CD84: variants seen among roughly 807,000 people sequenced by gnomAD.
The protein encoded by CD84 is SLAM family member 5.
A neutral mutation model predicts 33.8 loss-of-function variants in CD84; 22 were observed. That is an observed-to-expected ratio of 0.65 (90% CI 0.46 to 0.93). CD84 has a LOEUF of 0.93. Ranked by LOEUF, CD84 falls within the 40% of genes least tolerant of loss-of-function variation. The probability of loss-of-function intolerance (pLI) is 0.00; values close to 1 mark genes in which losing one functional copy is unlikely to be tolerated. For missense variants in CD84, 400 were observed against 397.6 expected (o/e 1.01, Z -0.05); for synonymous variants, 154 against 145.2 (o/e 1.06, Z -0.44).
At chr1:160,560,035 C>A (rs1656849841) in intron 2 of CD84, among the ~76,000 whole-genome samples, 2 of 152,212 alleles carry the variant, frequency 1.3e-5, no homozygotes, top group South Asian at 4.1e-4. Flanking sequence ...GACTCTCACA[C>A]AATAATAATG....
In CD84 at chr1:160,543,508, AATGT is replaced by A. The variant is rs1251979582; in HGVS notation, c.*4744_*4747del. 9.2e-5 allele frequency: 14 copies of A among 152,164 alleles called. No homozygotes were observed. The highest frequency in any genetic ancestry group is 9.2e-4 in the Admixed American group (14 of 15,300). 9.4% of individuals were successfully genotyped at this position (152,164 alleles called of 1,614,324 possible). A position where few individuals can be genotyped will look rare whatever the true frequency, so the allele number is the denominator to read the frequency against. ...CAAGGCTGTCATGAGTATTGACAAC[AATGT>A]ATGAAGCATCTAGTTTAGCAGTTGG... On this transcript the variant is annotated 3_prime_UTR_variant, in exon 7 of 7. Transcript: ENST00000368054.
chr1:160,555,881 A>G (rs1338733639), intron 2 of CD84, among the ~76,000 whole-genome samples: 1 of 152,236 alleles, frequency 6.6e-6, no homozygotes, highest in Non-Finnish European at 1.5e-5. Context: ...TTTGATTCCA[A>G]GCTAGCCAGA....
chr1:160,549,434 A>G (rs144139288), intron 6 of CD84, among the ~76,000 whole-genome samples: 1 of 152,214 alleles, frequency 6.6e-6, no homozygotes, highest in Non-Finnish European at 1.5e-5. Flanking sequence ...CACAGGCATA[A>G]GGCACAAGGC....
At chr1:160,573,331 C>T (rs1002753398) in intron 1 of CD84, among the ~76,000 whole-genome samples, 1 of 151,974 alleles carries the variant, frequency 6.6e-6, no homozygotes, top group Non-Finnish European at 1.5e-5. Context: ...GTTATATAGA[C>T]CTAAAACCCC....
At chr1:160,551,377 T>C in intron 4 of CD84, 1 of 262,676 alleles carries the variant, frequency 3.8e-6, no homozygotes. Context: ...GCATGGCTAG[T>C]TGACTTTCCA....
chr1:160,553,056 A>G (rs1358137012), intron 4 of CD84: 1 of 563,752 alleles, frequency 1.8e-6, no homozygotes, highest in Non-Finnish European at 3.2e-6. Flanking sequence ...TCTAGTCCAA[A>G]CATTTCACAT....
rs367831747 is a variant in CD84 at position 160,565,704 on chromosome 1, T to G, written c.88A>C (p.Asn30His). The stretch of plus-strand genomic sequence containing the variant: ...GTGACTGACTCTCCCAGAATCCCAT[T>G]CACTGTGAAGATTTCTGAGTCTTTT... ...AGKDSEIFTV[N>H]GILGESVTFP... is the part of the protein sequence containing the mutation. Residue 30 changes from asparagine (N) to histidine (H), a missense_variant, in exon 2 of 7, where the codon AAT becomes CAT. Coordinates refer to ENST00000368054, the MANE Select transcript of CD84 (RefSeq NM_003874.4). The G allele has an allele frequency of 6.2e-7, 1 of 1,613,116 alleles. No individual in the cohort carries two copies. Among genetic ancestry groups the G allele is most frequent in the Non-Finnish European group, 8.5e-7 (1 of 1,179,566 alleles).
Position 160,548,203 on chromosome 1 carries a change from C to A in CD84, c.*53G>T. The A allele has an allele frequency of 1.3e-6, 2 of 1,579,804 alleles. No individual in the cohort carries two copies. Among genetic ancestry groups the A allele is most frequent in the African/African-American group, 1.3e-5 (1 of 74,306 alleles). On this transcript the variant is annotated 3_prime_UTR_variant, in exon 7 of 7. Coordinates refer to ENST00000368054, the MANE Select transcript of CD84 (RefSeq NM_003874.4). ...AGAAGATCTGGATCCAGGGAACCTG[C>A]CAGTATTGGTGGTTGTAACTCAGTT...
intron 2 of CD84, among the ~76,000 whole-genome samples, chr1:160,558,535 T>G (rs967071863): frequency 6.6e-6 from 1 of 152,090 alleles, no homozygotes; most frequent in African/African-American, 2.4e-5. Context: ...TAATAAAGAA[T>G]TAATGCAAAA....
At chr1:160,563,236 C>T (rs1657105276) in intron 2 of CD84, among the ~76,000 whole-genome samples, 1 of 152,100 alleles carries the variant, frequency 6.6e-6, no homozygotes, top group Non-Finnish European at 1.5e-5. Context: ...TCCAGCAAAC[C>T]CATTATTGGG....
chr1:160,558,154 G>T (rs1367200552), intron 2 of CD84, among the ~76,000 whole-genome samples: 1 of 152,134 alleles, frequency 6.6e-6, no homozygotes, highest in Non-Finnish European at 1.5e-5. Flanking sequence ...CTTTTTGTGG[G>T]TCCCTGATCC....
rs1339712110 is a variant in CD84 at position 160,543,889 on chromosome 1, ATT to A, written c.*4365_*4366del. On this transcript the variant is annotated 3_prime_UTR_variant, in exon 7 of 7. Transcript: ENST00000368054. ...TCAGGCCTAGAACAGCTTATAAAAA[ATT>A]TCCCGAACTTTGCCATGCACAGGCA... 6.6e-6 allele frequency: 1 copy of A among 152,104 alleles called. No individual in the cohort carries two copies. Among genetic ancestry groups the A allele is most frequent in the Admixed American group, 6.6e-5 (1 of 15,266 alleles). 9.4% of individuals were successfully genotyped at this position (152,104 alleles called of 1,614,324 possible). A position where few individuals can be genotyped will look rare whatever the true frequency, so the allele number is the denominator to read the frequency against.
chr1:160,553,838 G>C, intron 3 of CD84, 57 bp downstream of exon 3: 1 of 1,613,084 alleles, frequency 6.2e-7, no homozygotes, highest in Non-Finnish European at 8.5e-7. Flanking sequence ...TTCAGACCTT[G>C]CAGCTCCTCA....
rs776306207 is a variant in CD84, at chr1:160,579,471, C to A, written c.-34G>T. ...GGGTCTAACCTTCTGTGGAAAAGCA[C>A]GGCACTGTTCTAGCAGAGTCAGTTT... On this transcript the variant is annotated 5_prime_UTR_variant, in exon 1 of 7. Transcript: ENST00000368054. The A allele has an allele frequency of 1.2e-6, 2 of 1,611,954 alleles. No individual in the cohort carries two copies. Among genetic ancestry groups the A allele is most frequent in the Non-Finnish European group, 1.7e-6 (2 of 1,178,736 alleles).
chr1:160,549,129 C>T (rs2102122621), intron 6 of CD84, among the ~76,000 whole-genome samples: 1 of 152,268 alleles, frequency 6.6e-6, no homozygotes, highest in Non-Finnish European at 1.5e-5. Flanking sequence ...AAGCAAACTG[C>T]CCTGTGCTTC....
rs1269501889 is a variant in CD84, at chr1:160,554,024, G to A, written c.511C>T (p.Leu171=). ...EKNVTYNWSP[L]GEEGNVLQIF... is the part of the protein sequence containing the mutation. ...TGAAGGACATTACCCTCTTCTCCCA[G>A]GGGACTCCAATTGTATGTCACATTC... The change falls in exon 3 of 7, where the codon CTG becomes TTG. Residue 171 remains leucine (L), a synonymous_variant. Transcript: ENST00000368054. 2.7e-5 allele frequency: 43 copies of A among 1,614,070 alleles called. No homozygotes were observed. The highest frequency in any genetic ancestry group is 3.6e-5 in the Non-Finnish European group (43 of 1,180,048).
chr1:160,561,522 T>C (rs898560687), intron 2 of CD84, among the ~76,000 whole-genome samples: 16 of 152,156 alleles, frequency 1.1e-4, no homozygotes, highest in Non-Finnish European at 1.6e-4. Flanking sequence ...CTCAAAATAA[T>C]AAGAGCCACA....
intron 2 of CD84, among the ~76,000 whole-genome samples, chr1:160,555,235 C>G (rs1656525524): frequency 6.6e-6 from 1 of 151,956 alleles, no homozygotes; most frequent in Non-Finnish European, 1.5e-5. Flanking sequence ...AGGTGCCCAC[C>G]ACCACGCCTA....
At chr1:160,577,609 C>A (rs1295563261) in intron 1 of CD84, among the ~76,000 whole-genome samples, 1 of 152,126 alleles carries the variant, frequency 6.6e-6, no homozygotes, top group African/African-American at 2.4e-5. Context: ...TGGACAATTC[C>A]CTGACAGAGG....
Sources: allele counts gnomAD v4.1 joint callset (sites outside exome capture counted in the v4.1 genomes callset), GRCh38; gene constraint gnomAD v4.1.1; transcripts MANE v1.5; gene names NCBI Gene and HGNC (gene_info 2026-07-23, HGNC 2026-07-21).